RHEB: variants seen among roughly 807,000 people sequenced by gnomAD.
RHEB encodes the protein Ras homolog, mTORC1 binding.
Under a neutral mutation model 28.8 loss-of-function variants are expected in RHEB, and 2 were observed. That is an observed-to-expected ratio of 0.07 (90% CI 0.03 to 0.22). The LOEUF (loss-of-function observed/expected upper bound fraction) is 0.22, where lower values mean the gene tolerates loss of function less well. Ranked by LOEUF, RHEB falls within the 10% of genes least tolerant of loss-of-function variation. The pLI is 1.00. For synonymous variants in RHEB, 69 were observed against 77.3 expected (o/e 0.89, Z 0.56); for missense variants, 76 against 219.9 (o/e 0.35, Z 4.14).
At chr7:151,506,784 T>G (rs1319687793) in intron 1 of RHEB, among the ~76,000 whole-genome samples, 1 of 152,204 alleles carries the variant, frequency 6.6e-6, no homozygotes, top group Non-Finnish European at 1.5e-5. Flanking sequence ...CCATTTCATG[T>G]GCTCATGGTT....
At chr7:151,490,914 G>A (rs1802569517) in intron 2 of RHEB, 29 bp downstream of exon 2, 1 of 1,542,806 alleles carries the variant, frequency 6.5e-7, no homozygotes, top group Non-Finnish European at 9.0e-7. Context: ...AGGCTTCTCA[G>A]TTTTTAAGTA....
intron 1 of RHEB, among the ~76,000 whole-genome samples, chr7:151,513,904 G>C (rs931565178): frequency 7.2e-5 from 11 of 152,230 alleles, no homozygotes; most frequent in African/African-American, 2.4e-4. Flanking sequence ...TGGCAATCTA[G>C]TCCTAAAATT....
At chr7:151,501,832 C>CT in intron 1 of RHEB, 1 of 474,274 alleles carries the variant, frequency 2.1e-6, no homozygotes, top group Admixed American at 2.7e-5. Flanking sequence ...GTCCTACCAG[C>CT]CGCTGCTGCC....
At chr7:151,501,144 A>C (rs1326814395) in intron 1 of RHEB, among the ~76,000 whole-genome samples, 1 of 152,220 alleles carries the variant, frequency 6.6e-6, no homozygotes, top group African/African-American at 2.4e-5. Context: ...GACTTCATCA[A>C]AATTAAAAAC....
At position 151,492,838 on chromosome 7, in the gene RHEB, A is replaced by ATTTTT. The variant is rs538597333; in HGVS notation, c.53-1829_53-1825dup. Among the ~76,000 whole-genome samples, 24 of 125,166 alleles carry ATTTTT rather than the reference A, an allele frequency of 1.9e-4. 1 individual carries two copies. Among genetic ancestry groups the ATTTTT allele is most frequent in the Admixed American group, 4.4e-4 (5 of 11,266 alleles). 82.1% of individuals were successfully genotyped at this position (125,166 alleles called of 152,430 possible). A position where few individuals can be genotyped will look rare whatever the true frequency, so the allele number is the denominator to read the frequency against. The stretch of plus-strand genomic sequence containing the variant: ...ATTGCAATTAGAATAAATTCTCAAC[A>ATTTTT]TTTTTTTTTTTTTTTTTTGAGACGG... On this transcript the variant is annotated intron_variant, in intron 1 of 7. Coordinates refer to ENST00000262187, the MANE Select transcript of RHEB (RefSeq NM_005614.4).
chr7:151,499,219 G>T (rs1301616159), intron 1 of RHEB, among the ~76,000 whole-genome samples: 2 of 152,156 alleles, frequency 1.3e-5, no homozygotes, highest in Non-Finnish European at 2.9e-5. Context: ...ATAGCTGGGC[G>T]TGGTGGCACG....
chr7:151,498,242 G>C (rs11772458), intron 1 of RHEB: 427,601 of 881,408 alleles, frequency 0.49, 108,720 homozygotes, highest in South Asian at 0.59. Flanking sequence ...GGAAGAGGAA[G>C]AGAAGCAGCT....
In RHEB at chr7:151,502,937, G is replaced by A. The variant is rs1802798696; in HGVS notation, c.53-11923C>T. The A allele has an allele frequency of 4.3e-5, 34 of 788,478 alleles. No homozygotes were observed. In the South Asian group the frequency reaches 4.4e-4, roughly 10 times the overall value. The allele number at this position is 788,478 out of a possible 1,614,324, so 48.8% of individuals were successfully genotyped here. On this transcript the variant is annotated intron_variant, in intron 1 of 7. Coordinates refer to ENST00000262187, the MANE Select transcript of RHEB (RefSeq NM_005614.4). ...ATTAGTTGATATATCCTATGGTGGT[G>A]AAAATGGATTCAATCAAGCTACTGA...
chr7:151,482,995 G>C (rs1368219575), intron 3 of RHEB, among the ~76,000 whole-genome samples: 3 of 152,164 alleles, frequency 2.0e-5, no homozygotes, highest in Admixed American at 6.5e-5. Context: ...GTATCAGGGG[G>C]TGAAAGCCTA....
At chr7:151,469,157 C>T (rs999310048) in intron 7 of RHEB, among the ~76,000 whole-genome samples, 1 of 152,130 alleles carries the variant, frequency 6.6e-6, no homozygotes, top group Non-Finnish European at 1.5e-5. Flanking sequence ...GAATTACACA[C>T]ATCTGTTTAA....
chr7:151,466,794 G>A lies in RHEB; in HGVS notation c.*325C>T, dbSNP rs930796903. The A allele has an allele frequency of 6.9e-5, 17 of 248,038 alleles. No individual in the cohort carries two copies. Among genetic ancestry groups the A allele is most frequent in the African/African-American group, 2.9e-4 (13 of 44,164 alleles). The allele number at this position is 248,038 out of a possible 1,614,324, so 15.4% of individuals were successfully genotyped here. A position where few individuals can be genotyped will look rare whatever the true frequency, so the allele number is the denominator to read the frequency against. ...ATACTGAAGCCTAGTTAATAGTAGT[G>A]TAACAATATGCATCATTTTGATGAT... On this transcript the variant is annotated 3_prime_UTR_variant, in exon 8 of 8. Coordinates refer to ENST00000262187, the MANE Select transcript of RHEB (RefSeq NM_005614.4).
chr7:151,499,303 A>T (rs1366200287), intron 1 of RHEB, among the ~76,000 whole-genome samples: 1 of 152,194 alleles, frequency 6.6e-6, no homozygotes, highest in East Asian at 1.9e-4. Flanking sequence ...GGTTGCAGTG[A>T]GCCAAGATCG....
chr7:151,476,742 A>G (rs1044980517), intron 4 of RHEB, among the ~76,000 whole-genome samples: 9 of 152,252 alleles, frequency 5.9e-5, no homozygotes, highest in Non-Finnish European at 7.3e-5. Flanking sequence ...ACCAATGCCC[A>G]GAGCTCCGCT....
At chr7:151,493,684 A>T (rs530556736) in intron 1 of RHEB, among the ~76,000 whole-genome samples, 1 of 152,362 alleles carries the variant, frequency 6.6e-6, no homozygotes, top group South Asian at 2.1e-4. Context: ...ATTTATTGGT[A>T]CCTAATCACA....
At chr7:151,471,674 C>A (rs1802164325) in intron 4 of RHEB, 69 bp from the exon 5 acceptor site, 3 of 1,004,004 alleles carry the variant, frequency 3.0e-6, no homozygotes, top group Non-Finnish European at 4.5e-6. Context: ...TGTTATGTTG[C>A]CAGCTGGAAA....
intron 4 of RHEB, among the ~76,000 whole-genome samples, chr7:151,473,033 A>G (rs1802190953): frequency 6.6e-6 from 1 of 152,222 alleles, no homozygotes; most frequent in Non-Finnish European, 1.5e-5. Flanking sequence ...ACTGTGTGGC[A>G]GGCAGCTTGG....
chr7:151,506,800 G>C (rs1004409133), intron 1 of RHEB, among the ~76,000 whole-genome samples: 1 of 152,202 alleles, frequency 6.6e-6, no homozygotes, highest in African/African-American at 2.4e-5. Context: ...TGGTTCTACA[G>C]TCAACGCTGG....
chr7:151,488,028 C>T (rs1326512692), intron 2 of RHEB, among the ~76,000 whole-genome samples: 2 of 152,204 alleles, frequency 1.3e-5, no homozygotes, highest in African/African-American at 4.8e-5. Context: ...TAAGTGCAAC[C>T]TCCCAACTTT....
intron 1 of RHEB, chr7:151,502,228 CAAAA>C (rs34312270): frequency 0.014 from 4,551 of 327,550 alleles, no homozygotes; most frequent in South Asian, 0.021. Flanking sequence ...AGAGCTGTCT[CAAAA>C]AAAAAAAAAA....
Sources: gnomAD v4.1 joint callset for allele counts (sites outside exome capture counted in the v4.1 genomes callset) on GRCh38, gnomAD v4.1.1 for gene constraint, MANE v1.5 for transcripts, NCBI Gene and HGNC (gene_info 2026-07-23, HGNC 2026-07-21) for gene names.